EIF3M: variants seen among roughly 807,000 people sequenced by gnomAD.
The protein encoded by EIF3M is B5 receptor.
Under a neutral mutation model 49.7 loss-of-function variants are expected in EIF3M, and 25 were observed. The observed-to-expected ratio is 0.50, with a 90% CI of 0.37 to 0.70. The LOEUF (loss-of-function observed/expected upper bound fraction) is 0.70. EIF3M is among the 30% of genes least tolerant of loss of function. EIF3M has a pLI of 0.00. For synonymous variants in EIF3M, 156 were observed against 149.8 expected (o/e 1.04, Z -0.30); for missense variants, 350 against 440.0 (o/e 0.80, Z 1.83).
At chr11:32,592,219 T>G (rs924833155) in intron 5 of EIF3M, 2 of 391,016 alleles carry the variant, frequency 5.1e-6, no homozygotes, top group South Asian at 4.1e-5. Flanking sequence ...CTAGATCCAC[T>G]CCACAACTGC....
In EIF3M at chr11:32,602,290, A is replaced by T. The variant is rs776717920; in HGVS notation, c.1016A>T (p.His339Leu). 6.2e-7 allele frequency: 1 copy of T among 1,611,658 alleles called. No homozygotes were observed. Among genetic ancestry groups the T allele is most frequent in the South Asian group, 1.1e-5 (1 of 90,580 alleles). ...QRKVVVSHST[H>L]RTFGKQQWQQ... is the part of the protein sequence containing the mutation. ...TTTTCAATTTTTAGTCATAGCACAC[A>T]TCGGACATTTGGAAAACAGCAGTGG... The change falls in exon 11 of 11, where the codon CAT (histidine) becomes CTT (leucine). Residue 339 changes from histidine (H) to leucine (L), a missense_variant. Transcript: ENST00000531120.
rs1347226928 is a variant in EIF3M, at chr11:32,583,912, A to G, written c.25A>G (p.Ile9Val). The G allele has an allele frequency of 1.2e-6, 2 of 1,613,862 alleles. No homozygotes were observed. The highest frequency in any genetic ancestry group is 1.7e-5 in the Admixed American group (1 of 60,022). The change falls in exon 1 of 11, where the codon ATC becomes GTC. Residue 9 changes from isoleucine to valine, a missense_variant. Transcript: ENST00000531120. ...CATGAGCGTCCCGGCCTTCATCGACATCAGTGAAGAAGATCAGGTGTGCTT... is the reference window on the plus strand; with the variant it reads ...CATGAGCGTCCCGGCCTTCATCGACGTCAGTGAAGAAGATCAGGTGTGCTT... MSVPAFID[I>V]SEEDQAAELR... is the part of the protein sequence containing the mutation.
chr11:32,584,018 C>T (rs142331786), intron 1 of EIF3M, 89 bp downstream of exon 1: 53,741 of 1,539,046 alleles, frequency 0.035, 1,100 homozygotes, highest in Middle Eastern at 0.049. Context: ...GCCGGGCGGC[C>T]GGGGCTGACA....
At chr11:32,584,597 G>A (rs1041404547) in intron 1 of EIF3M, among the ~76,000 whole-genome samples, 12 of 45,308 alleles carry the variant, frequency 2.6e-4, no homozygotes, top group African/African-American at 1.0e-3. Flanking sequence ...GACAGAGCGA[G>A]AGTCCCTCTC....
intron 8 of EIF3M, among the ~76,000 whole-genome samples, chr11:32,596,600 C>CA (rs35206274): frequency 0.04 from 4,667 of 116,186 alleles, 92 homozygotes; most frequent in East Asian, 0.12. Context: ...GAGTCTGTCT[C>CA]AAAAAAAAAA....
intron 8 of EIF3M, among the ~76,000 whole-genome samples, chr11:32,599,508 A>T (rs990267974): frequency 1.3e-5 from 2 of 151,860 alleles, no homozygotes; most frequent in African/African-American, 4.8e-5. Flanking sequence ...TAAATTTAAA[A>T]TTTATTTATG....
intron 5 of EIF3M, chr11:32,592,278 A>G (rs1037370174): frequency 2.1e-6 from 1 of 481,104 alleles, no homozygotes; most frequent in Non-Finnish European, 3.9e-6. Flanking sequence ...GCCTGTTAAT[A>G]GAGTGTTATT....
chr11:32,585,457 T>C (rs1233818407), intron 1 of EIF3M, among the ~76,000 whole-genome samples: 2 of 152,218 alleles, frequency 1.3e-5, no homozygotes, highest in Admixed American at 6.5e-5. Flanking sequence ...AGTTTAACTT[T>C]GGTGAAATTC....
rs936362939 is a variant in EIF3M, at chr11:32,603,079, C to G, written c.*680C>G. 6.6e-6 allele frequency: 9 copies of G among 1,370,222 alleles called. No homozygotes were observed. Among genetic ancestry groups the G allele is most frequent in the South Asian group, 4.0e-5 (3 of 74,972 alleles). 84.9% of individuals were successfully genotyped at this position (1,370,222 alleles called of 1,614,324 possible). A position where few individuals can be genotyped will look rare whatever the true frequency, so the allele number is the denominator to read the frequency against. ...TATTATACAAAAGATTTTAAAGAGT[C>G]TGTAAAGCCTCTGCAGTTATGAGTA... On this transcript the variant is annotated 3_prime_UTR_variant, in exon 11 of 11. Coordinates refer to ENST00000531120, the MANE Select transcript of EIF3M (RefSeq NM_006360.6).
intron 9 of EIF3M, 42 bp downstream of exon 9, chr11:32,600,874 C>T: frequency 6.4e-7 from 1 of 1,557,728 alleles, no homozygotes; most frequent in Non-Finnish European, 8.7e-7. Flanking sequence ...TAGAATTTCT[C>T]ATCTACTACA....
At chr11:32,600,502 T>G (rs1855243963) in intron 8 of EIF3M, among the ~76,000 whole-genome samples, 187 bp from the exon 9 acceptor site, 1 of 151,956 alleles carries the variant, frequency 6.6e-6, no homozygotes, top group African/African-American at 2.4e-5. Context: ...TTTTTAATAC[T>G]CTGTGGAGTC....
intron 4 of EIF3M, 51 bp downstream of exon 4, chr11:32,589,186 T>C: frequency 6.3e-7 from 1 of 1,590,558 alleles, no homozygotes; most frequent in South Asian, 1.1e-5. Flanking sequence ...TGTACTTTTT[T>C]TTTTTTTGAG....
intron 5 of EIF3M, chr11:32,591,804 C>G (rs1249495085): frequency 1.8e-5 from 4 of 220,800 alleles, no homozygotes; most frequent in African/African-American, 6.9e-5. Context: ...CTTGTGCTAC[C>G]ATATTTACCA....
At chr11:32,601,412 C>G (rs11031892) in intron 9 of EIF3M, 1 of 172,948 alleles carries the variant, frequency 5.8e-6, no homozygotes, top group Non-Finnish European at 1.2e-5. Flanking sequence ...CCCTAATGCT[C>G]TAAGTTTTCT....
chr11:32,588,388 GAAAAAAAAAAAA>G (rs71463359), intron 2 of EIF3M, among the ~76,000 whole-genome samples, 194 bp from the exon 3 acceptor site: 10 of 93,060 alleles, frequency 1.1e-4, no homozygotes, highest in Admixed American at 6.0e-4. Flanking sequence ...GACTTCATCT[GAAAAAAAAAAAA>G]AAAAAAAAAA....
chr11:32,590,352 A>G (rs1855081006), intron 5 of EIF3M, among the ~76,000 whole-genome samples: 1 of 152,154 alleles, frequency 6.6e-6, no homozygotes, highest in Non-Finnish European at 1.5e-5. Flanking sequence ...CAAAGCTTAA[A>G]ATATTTACTC....
chr11:32,598,001 C>A (rs929216781), intron 8 of EIF3M, among the ~76,000 whole-genome samples: 1 of 152,000 alleles, frequency 6.6e-6, no homozygotes, highest in Non-Finnish European at 1.5e-5. Context: ...TGAAATACAC[C>A]AAGATAAAGT....
Position 32,601,934 on chromosome 11 carries a change from T to C in EIF3M, c.1004+112T>C. ...GTGTTATCACTTGACTGTAGTTAAA[T>C]AGTTGCTATTTATCATAATTTTATT... is the stretch of plus-strand genomic sequence containing the variant. On this transcript the variant is annotated intron_variant, in intron 10 of 10. Transcript: ENST00000531120. 9 of 1,099,196 alleles carry C rather than the reference T, an allele frequency of 8.2e-6. No homozygotes were observed. In the South Asian group the frequency reaches 1.3e-4, roughly 16 times the overall value. 68.1% of individuals were successfully genotyped at this position (1,099,196 alleles called of 1,614,324 possible).
chr11:32,599,401 C>T (rs16923443), intron 8 of EIF3M, among the ~76,000 whole-genome samples: 2,019 of 152,012 alleles, frequency 0.013, 52 homozygotes, highest in African/African-American at 0.046. Context: ...GAATCTGTGC[C>T]AAATAGGAAG....
Sources: allele counts gnomAD v4.1 joint callset (sites outside exome capture counted in the v4.1 genomes callset), GRCh38; gene constraint gnomAD v4.1.1; transcripts MANE v1.5; gene names NCBI Gene and HGNC (gene_info 2026-07-23, HGNC 2026-07-21).